Variants in BRINP3 observed in about 807,000 individuals in gnomAD.
BRINP3 encodes the protein BMP/retinoic acid inducible neural specific 3.
A neutral mutation model predicts 71.0 loss-of-function variants in BRINP3; 19 were observed. The observed-to-expected ratio is 0.27, with a 90% confidence interval of 0.19 to 0.39. The LOEUF is 0.39. Among genes scored for constraint, BRINP3 ranks in the 10% least tolerant of loss-of-function variants. The pLI is 1.00. For synonymous variants in BRINP3, 380 were observed against 337.7 expected (o/e 1.13, Z -1.37); for missense variants, 959 against 940.8 (o/e 1.02, Z -0.25).
chr1:190,127,041 C>T (rs187582289), intron 7 of BRINP3, among the ~76,000 whole-genome samples: 13 of 151,718 alleles, frequency 8.6e-5, no homozygotes, highest in East Asian at 1.9e-4. Context: ...CTTAAGTGAA[C>T]GAATCATAGT....
At chr1:190,108,995 C>A (rs146057987) in intron 7 of BRINP3, among the ~76,000 whole-genome samples, 1 of 151,930 alleles carries the variant, frequency 6.6e-6, no homozygotes, top group African/African-American at 2.4e-5. Context: ...GGAGAAGATC[C>A]GTAAGTTTTT....
At chr1:190,318,188 G>C (rs1378303806) in intron 2 of BRINP3, among the ~76,000 whole-genome samples, 1 of 151,844 alleles carries the variant, frequency 6.6e-6, no homozygotes, top group Non-Finnish European at 1.5e-5. Context: ...AATCAATGTA[G>C]AATTATAATA....
chr1:190,285,599 T>C (rs1262934546), intron 2 of BRINP3, among the ~76,000 whole-genome samples: 1 of 152,092 alleles, frequency 6.6e-6, no homozygotes, highest in East Asian at 1.9e-4. Flanking sequence ...TTGATTTGCT[T>C]ATTTTCTAGT....
At position 190,466,077 on chromosome 1, in the gene BRINP3, G is replaced by T. The variant is rs566768582; in HGVS notation, c.-50-11137C>A. On this transcript the variant is annotated intron_variant, in intron 1 of 7. Coordinates refer to ENST00000367462, the MANE Select transcript of BRINP3 (RefSeq NM_199051.3). ...TTTGTCATGTAAGTGTCAATTTAAA[G>T]AAAATGTGGACAATATTGCCCCTGC... is the stretch of plus-strand genomic sequence containing the variant. Among the ~76,000 whole-genome samples the T allele has an allele frequency of 8.6e-4, 129 of 150,802 alleles. 1 individual carries two copies. The highest frequency in any genetic ancestry group is 3.0e-3 in the African/African-American group (122 of 41,168).
intron 6 of BRINP3, among the ~76,000 whole-genome samples, chr1:190,204,058 A>T (rs1463624302): frequency 6.6e-6 from 1 of 151,598 alleles, no homozygotes; most frequent in Non-Finnish European, 1.5e-5. Flanking sequence ...ACATTTGGGC[A>T]TATAGATATT....
intron 2 of BRINP3, among the ~76,000 whole-genome samples, chr1:190,321,585 C>T (rs1325169861): frequency 6.6e-6 from 1 of 151,974 alleles, no homozygotes; most frequent in Non-Finnish European, 1.5e-5. Context: ...GATTAGGAAA[C>T]AACAAAAGCT....
At chr1:190,293,290 A>G (rs1664008656) in intron 2 of BRINP3, among the ~76,000 whole-genome samples, 1 of 152,088 alleles carries the variant, frequency 6.6e-6, no homozygotes, top group African/African-American at 2.4e-5. Context: ...TAAGTCATTC[A>G]GTAGCATGTT....
chr1:190,404,725 A>T (rs965034356), intron 2 of BRINP3, among the ~76,000 whole-genome samples: 1 of 152,196 alleles, frequency 6.6e-6, no homozygotes, highest in African/African-American at 2.4e-5. Context: ...TGATCAAGTT[A>T]AGGCTCAGAA....
At chr1:190,120,762 A>C (rs1452582826) in intron 7 of BRINP3, among the ~76,000 whole-genome samples, 1 of 151,580 alleles carries the variant, frequency 6.6e-6, no homozygotes, top group Non-Finnish European at 1.5e-5. Flanking sequence ...TCGGCCTCCC[A>C]AAGTGCTGGT....
At chr1:190,471,593 A>C (rs1677142983) in intron 1 of BRINP3, among the ~76,000 whole-genome samples, 1 of 151,462 alleles carries the variant, frequency 6.6e-6, no homozygotes, top group Admixed American at 6.6e-5. Context: ...CATCCTAATT[A>C]ATTCTAGTAA....
chr1:190,129,576 C>T (rs1654364915), intron 7 of BRINP3, among the ~76,000 whole-genome samples: 1 of 151,858 alleles, frequency 6.6e-6, no homozygotes, highest in African/African-American at 2.4e-5. Flanking sequence ...GTGTTTAGAG[C>T]AGCATGCTTA....
intron 6 of BRINP3, among the ~76,000 whole-genome samples, chr1:190,220,781 G>A (rs1242826951): frequency 6.6e-6 from 1 of 152,036 alleles, no homozygotes; most frequent in Non-Finnish European, 1.5e-5. Context: ...GATAAAGGAA[G>A]CTCTTCAGTC....
At chr1:190,181,929 A>T (rs975623571) in intron 6 of BRINP3, among the ~76,000 whole-genome samples, 2 of 151,978 alleles carry the variant, frequency 1.3e-5, no homozygotes, top group African/African-American at 4.8e-5. Flanking sequence ...GTTTTCCTTC[A>T]TTGGAAACCT....
intron 2 of BRINP3, among the ~76,000 whole-genome samples, chr1:190,386,364 G>C (rs994982462): frequency 6.6e-6 from 1 of 151,560 alleles, no homozygotes; most frequent in African/African-American, 2.4e-5. Context: ...ACATGGGACT[G>C]TTTTTCATCT....
chr1:190,171,185 A>G (rs886803754), intron 6 of BRINP3, among the ~76,000 whole-genome samples: 2 of 152,130 alleles, frequency 1.3e-5, no homozygotes, highest in African/African-American at 4.8e-5. Flanking sequence ...GATGCCACCC[A>G]TAGTTCCCTG....
At chr1:190,298,547 G>T (rs1664426321) in intron 2 of BRINP3, among the ~76,000 whole-genome samples, 1 of 151,624 alleles carries the variant, frequency 6.6e-6, no homozygotes, top group African/African-American at 2.4e-5. Context: ...TCATTTCTGG[G>T]TTTTTTAAAA....
intron 7 of BRINP3, among the ~76,000 whole-genome samples, chr1:190,121,167 C>T (rs2102317594): frequency 6.6e-6 from 1 of 152,270 alleles, no homozygotes; most frequent in East Asian, 1.9e-4. Flanking sequence ...AAATCTAACA[C>T]AAAACCGGCC....
intron 2 of BRINP3, among the ~76,000 whole-genome samples, chr1:190,388,015 T>C (rs890427008): frequency 6.6e-6 from 1 of 151,842 alleles, no homozygotes; most frequent in Non-Finnish European, 1.5e-5. Context: ...CATGTATATG[T>C]ACATTAATTA....
intron 4 of BRINP3, among the ~76,000 whole-genome samples, chr1:190,258,751 T>G (rs1427674525): frequency 6.6e-6 from 1 of 152,164 alleles, no homozygotes; most frequent in Admixed American, 6.5e-5. Context: ...ACATAGAATA[T>G]GAAGGTCATT....
Sources: allele counts gnomAD v4.1 joint callset (sites outside exome capture counted in the v4.1 genomes callset), GRCh38; gene constraint gnomAD v4.1.1; transcripts MANE v1.5; gene names NCBI Gene and HGNC (gene_info 2026-07-23, HGNC 2026-07-21).